Variants in PLSCR1 observed in about 807,000 individuals in gnomAD.
PLSCR1 encodes the protein PL scramblase 1.
Under a neutral mutation model 37.8 loss-of-function variants are expected in PLSCR1, and 17 were observed. That is an observed-to-expected ratio of 0.45 (90% CI 0.31 to 0.68). The LOEUF (loss-of-function observed/expected upper bound fraction) is 0.68. PLSCR1 is among the 30% of genes least tolerant of loss of function. The pLI, the probability that PLSCR1 is intolerant of heterozygous loss-of-function variation, is 0.06. For synonymous variants in PLSCR1, 116 were observed against 125.9 expected (o/e 0.92, Z 0.53); for missense variants, 347 against 380.9 (o/e 0.91, Z 0.74).
chr3:146,544,113 T>C (rs948197903), intron 1 of PLSCR1, among the ~76,000 whole-genome samples: 2 of 152,160 alleles, frequency 1.3e-5, no homozygotes, highest in African/African-American at 4.8e-5. Flanking sequence ...GCTCTCTACC[T>C]GTAAAGCAGT....
intron 7 of PLSCR1, among the ~76,000 whole-genome samples, chr3:146,521,171 A>T (rs896184395): frequency 6.6e-6 from 1 of 152,202 alleles, no homozygotes; most frequent in African/African-American, 2.4e-5. Flanking sequence ...GCATTGGCAG[A>T]TGATATTTCA....
chr3:146,536,668 A>G, intron 1 of PLSCR1, 103 bp from the exon 2 acceptor site: 1 of 708,484 alleles, frequency 1.4e-6, no homozygotes, highest in South Asian at 1.7e-5. Flanking sequence ...CATTCATAGG[A>G]TATTCCTCTT....
chr3:146,538,623 G>T (rs1373246), intron 1 of PLSCR1, among the ~76,000 whole-genome samples: 41,199 of 151,766 alleles, frequency 0.27, 5,803 homozygotes, highest in African/African-American at 0.32. Flanking sequence ...TATTCTCACC[G>T]TCCCTACAGG....
At chr3:146,534,165 T>C (rs1318928192) in intron 2 of PLSCR1, among the ~76,000 whole-genome samples, 4 of 152,156 alleles carry the variant, frequency 2.6e-5, no homozygotes, top group African/African-American at 9.7e-5. Context: ...TTGAGTAAAC[T>C]TAATATATGC....
rs1158412515 is a variant in PLSCR1, at chr3:146,515,250, A to AAT, written c.*793_*794dup. ...TCATTATTTAGGTTTATACTCTGTGAATATATATATGATATTGTATTTAAT... is the reference window on the plus strand; with the variant it reads ...TCATTATTTAGGTTTATACTCTGTGAATATATATATATGATATTGTATTTAAT... On this transcript the variant is annotated 3_prime_UTR_variant, in exon 9 of 9. Transcript: ENST00000342435. The AAT allele has an allele frequency of 6.6e-6, 1 of 152,180 alleles. No homozygotes were observed. The highest frequency in any genetic ancestry group is 1.5e-5 in the Non-Finnish European group (1 of 68,034). 9.4% of individuals were successfully genotyped at this position (152,180 alleles called of 1,614,324 possible).
At chr3:146,516,231 T>G in intron 8 of PLSCR1, 130 bp from the exon 9 acceptor site, 1 of 538,792 alleles carries the variant, frequency 1.9e-6, no homozygotes, top group South Asian at 2.9e-5. Context: ...ATGTAATAAG[T>G]AAATATACAA....
intron 1 of PLSCR1, among the ~76,000 whole-genome samples, chr3:146,542,941 G>A (rs2738911): frequency 3.9e-5 from 6 of 152,022 alleles, no homozygotes; most frequent in African/African-American, 1.4e-4. Flanking sequence ...AATACTCTAA[G>A]TGCTATAAAT....
rs2044228287 is a variant in PLSCR1, at chr3:146,533,551, C to A, written c.14-1G>T. On this transcript the variant is annotated splice_acceptor_variant, in intron 2 of 8. Transcript: ENST00000342435. LOFTEE classifies it high-confidence loss of function. Reference sequence around the variant, plus strand: ...GGGTGAGAAGCATTCATCTGTGAGTCTGCAATTCAAGGAGAGGTAAATAGA... The same window carrying A: ...GGGTGAGAAGCATTCATCTGTGAGTATGCAATTCAAGGAGAGGTAAATAGA... 2 of 1,591,006 alleles carry A rather than the reference C, an allele frequency of 1.3e-6. No individual in the cohort carries two copies. Among genetic ancestry groups the A allele is most frequent in the East Asian group, 2.2e-5 (1 of 44,724 alleles).
chr3:146,524,086 G>A (rs1024843880), intron 5 of PLSCR1, among the ~76,000 whole-genome samples: 4 of 152,056 alleles, frequency 2.6e-5, no homozygotes, highest in Non-Finnish European at 5.9e-5. Flanking sequence ...TAGGAACAAC[G>A]TCTGATTTCA....
chr3:146,524,287 T>C (rs988035259), intron 5 of PLSCR1, among the ~76,000 whole-genome samples: 2 of 152,220 alleles, frequency 1.3e-5, no homozygotes, highest in Non-Finnish European at 2.9e-5. Context: ...AAATTGTTTA[T>C]ATTTTTATTG....
intron 1 of PLSCR1, among the ~76,000 whole-genome samples, chr3:146,538,500 A>T (rs1476573146): frequency 1.3e-5 from 2 of 152,162 alleles, no homozygotes; most frequent in Non-Finnish European, 2.9e-5. Context: ...TAAAGTCTTT[A>T]CCTGCCCCTT....
chr3:146,524,120 G>A (rs2044071930), intron 5 of PLSCR1, among the ~76,000 whole-genome samples: 1 of 152,098 alleles, frequency 6.6e-6, no homozygotes, highest in Non-Finnish European at 1.5e-5. Context: ...TCAAATGTTT[G>A]ATGAGAAAAA....
In PLSCR1 at chr3:146,517,352, G is replaced by T. The variant is rs938133963; in HGVS notation, c.739-185C>A. On this transcript the variant is annotated intron_variant, in intron 7 of 8. Transcript: ENST00000342435. ...GAAAAAAACTGTTTCATTGTACGGA[G>T]AAATTATATTTCAGAAAGTTTTCCT... 1.2e-5 allele frequency: 4 copies of T among 324,662 alleles called. No individual in the cohort carries two copies. In the Admixed American group the frequency reaches 1.4e-4, roughly 12 times the overall value. 20.1% of individuals were successfully genotyped at this position (324,662 alleles called of 1,614,324 possible).
chr3:146,525,979 C>T (rs112429653), intron 4 of PLSCR1, among the ~76,000 whole-genome samples: 22,321 of 151,274 alleles, frequency 0.15, 1,774 homozygotes, highest in Admixed American at 0.22. Flanking sequence ...GTCAGGAGAT[C>T]GAGACCATCC....
At chr3:146,536,990 T>C (rs1213920623) in intron 1 of PLSCR1, among the ~76,000 whole-genome samples, 2 of 152,184 alleles carry the variant, frequency 1.3e-5, no homozygotes, top group South Asian at 4.1e-4. Flanking sequence ...CCCAGGAATG[T>C]TCCAGCAGGA....
chr3:146,531,924 G>A (rs976714321), intron 3 of PLSCR1, among the ~76,000 whole-genome samples: 4 of 152,072 alleles, frequency 2.6e-5, no homozygotes, highest in Non-Finnish European at 5.9e-5. Flanking sequence ...CTATGCCTCA[G>A]CTTTCCCACA....
intron 5 of PLSCR1, among the ~76,000 whole-genome samples, chr3:146,523,547 A>G (rs890733848): frequency 1.3e-5 from 2 of 152,238 alleles, no homozygotes; most frequent in African/African-American, 2.4e-5. Flanking sequence ...CCGAGGGAGT[A>G]AAAATGAAAG....
intron 7 of PLSCR1, among the ~76,000 whole-genome samples, chr3:146,521,151 A>G (rs343316): frequency 0.079 from 11,956 of 152,258 alleles, 510 homozygotes; most frequent in Middle Eastern, 0.11. Context: ...CATTCTGAAC[A>G]TGGCCTTGAG....
At chr3:146,520,407 A>G (rs907182221) in intron 7 of PLSCR1, among the ~76,000 whole-genome samples, 1 of 152,162 alleles carries the variant, frequency 6.6e-6, no homozygotes, top group Non-Finnish European at 1.5e-5. Context: ...CTCTGGATGT[A>G]GGACAGAGAT....
Sources: allele counts gnomAD v4.1 joint callset (sites outside exome capture counted in the v4.1 genomes callset), GRCh38; gene constraint gnomAD v4.1.1; transcripts MANE v1.5; gene names NCBI Gene and HGNC (gene_info 2026-07-23, HGNC 2026-07-21).